Variants in KCNH1 observed in about 807,000 individuals in gnomAD.
The protein encoded by KCNH1 is potassium voltage-gated channel subfamily H member 1.
KCNH1 carries 27 observed loss-of-function variants against 69.2 expected under a neutral mutation model. The observed-to-expected ratio is 0.39, with a 90% CI of 0.29 to 0.54. The LOEUF (loss-of-function observed/expected upper bound fraction) is 0.54. KCNH1 is among the 20% of genes least tolerant of loss of function. KCNH1 has a pLI of 0.68. For synonymous variants in KCNH1, 456 were observed against 487.7 expected (o/e 0.93, Z 0.86); for missense variants, 798 against 1,261.6 (o/e 0.63, Z 5.57).
At chr1:210,739,879 A>G (rs1224002206) in intron 10 of KCNH1, among the ~76,000 whole-genome samples, 1 of 152,188 alleles carries the variant, frequency 6.6e-6, no homozygotes, top group Non-Finnish European at 1.5e-5. Context: ...AACCCAGTTG[A>G]ATTCAGGACT....
Position 210,679,712 on chromosome 1 carries a change from A to AG in KCNH1, c.*3568dup, listed in dbSNP as rs921986153. On this transcript the variant is annotated 3_prime_UTR_variant, in exon 11 of 11. Coordinates refer to ENST00000271751, the MANE Select transcript of KCNH1 (RefSeq NM_172362.3). The stretch of plus-strand genomic sequence containing the variant: ...GCCCAGCCCTCCCCACTTTTGAAAG[A>AG]GGAGGATTCCAGGAAAGGGGCTGAT... The AG allele has an allele frequency of 1.3e-5, 2 of 152,126 alleles. No individual in the cohort carries two copies. Among genetic ancestry groups the AG allele is most frequent in the African/African-American group, 4.8e-5 (2 of 41,420 alleles). The allele number at this position is 152,126 out of a possible 1,614,324, so 9.4% of individuals were successfully genotyped here.
intron 5 of KCNH1, among the ~76,000 whole-genome samples, chr1:211,060,400 CAAA>C (rs60620622): frequency 2.3e-5 from 1 of 44,324 alleles, no homozygotes; most frequent in Non-Finnish European, 3.5e-5. Flanking sequence ...GACTCCGTCT[CAAA>C]AAAAAAAAAA....
At chr1:210,803,353 C>T (rs867654325) in intron 8 of KCNH1, among the ~76,000 whole-genome samples, 2 of 152,120 alleles carry the variant, frequency 1.3e-5, no homozygotes, top group Non-Finnish European at 2.9e-5. Flanking sequence ...CCACCCGCCT[C>T]GGCCTCCCAA....
intron 6 of KCNH1, among the ~76,000 whole-genome samples, chr1:210,957,341 G>T (rs906191998): frequency 5.9e-5 from 9 of 152,112 alleles, no homozygotes; most frequent in African/African-American, 1.4e-4. Context: ...CAATTATGTT[G>T]TCAATTGTAG....
At chr1:210,699,677 C>T (rs1476075210) in intron 10 of KCNH1, among the ~76,000 whole-genome samples, 1 of 152,214 alleles carries the variant, frequency 6.6e-6, no homozygotes, top group Admixed American at 6.5e-5. Flanking sequence ...TGCCCCATCT[C>T]CAATTTTCAA....
intron 10 of KCNH1, among the ~76,000 whole-genome samples, chr1:210,750,853 A>G (rs1374038414): frequency 6.6e-6 from 1 of 152,216 alleles, no homozygotes; most frequent in Non-Finnish European, 1.5e-5. Flanking sequence ...GATGACTCTT[A>G]AAAATATGAG....
chr1:211,090,066 C>T (rs1691025502), intron 4 of KCNH1, among the ~76,000 whole-genome samples: 1 of 152,222 alleles, frequency 6.6e-6, no homozygotes, highest in Admixed American at 6.5e-5. Context: ...ACCCTGGCTT[C>T]ATTAATGTTA....
chr1:211,031,036 C>T lies in KCNH1; in HGVS notation c.559-11780G>A, dbSNP rs181911875. On this transcript the variant is annotated intron_variant, in intron 5 of 10. Coordinates refer to ENST00000271751, the MANE Select transcript of KCNH1 (RefSeq NM_172362.3). ...GGAAATGCAAATTAAAGCTACACTG[C>T]GATATTACTACACACCTATTAAAAT... Among the ~76,000 whole-genome samples, 19 of 152,048 alleles carry T rather than the reference C, an allele frequency of 1.2e-4. No homozygotes were observed. The East Asian group carries it at 2.3e-3, about 19-fold the overall frequency.
At chr1:210,711,589 T>G (rs182809563) in intron 10 of KCNH1, among the ~76,000 whole-genome samples, 1 of 152,304 alleles carries the variant, frequency 6.6e-6, no homozygotes, top group East Asian at 1.9e-4. Flanking sequence ...TTCCTTCAGG[T>G]CCTCACTCAA....
Position 210,738,552 on chromosome 1 carries a change from C to CTTTTT in KCNH1, c.2112+36791_2112+36795dup, listed in dbSNP as rs57669878. Among the ~76,000 whole-genome samples, 41 of 49,152 alleles carry CTTTTT rather than the reference C, an allele frequency of 8.3e-4. 1 individual carries two copies. The highest frequency in any genetic ancestry group is 1.1e-3 in the Non-Finnish European group (28 of 24,366). 32.2% of individuals were successfully genotyped at this position (49,152 alleles called of 152,430 possible). A position where few individuals can be genotyped will look rare whatever the true frequency, so the allele number is the denominator to read the frequency against. Reference sequence around the variant, plus strand: ...CTGTATTCCTGGCTTGGCTTTTTTGCTTTTTTTTTTTTTTTTTTTTTTTTT... The same window carrying CTTTTT: ...CTGTATTCCTGGCTTGGCTTTTTTGCTTTTTTTTTTTTTTTTTTTTTTTTTTTTTT... On this transcript the variant is annotated intron_variant, in intron 10 of 10. Coordinates refer to ENST00000271751, the MANE Select transcript of KCNH1 (RefSeq NM_172362.3).
At chr1:211,117,687 A>G (rs1202125311) in intron 1 of KCNH1, among the ~76,000 whole-genome samples, 1 of 152,196 alleles carries the variant, frequency 6.6e-6, no homozygotes, top group African/African-American at 2.4e-5. Context: ...ATTTGTGAGA[A>G]GAAAGGGGAT....
chr1:211,105,823 A>T (rs921696296), intron 2 of KCNH1, among the ~76,000 whole-genome samples: 3 of 152,226 alleles, frequency 2.0e-5, no homozygotes, highest in Non-Finnish European at 2.9e-5. Flanking sequence ...GGATAACAGC[A>T]CACAAAGAAT....
chr1:210,974,496 T>C (rs1456602176), intron 6 of KCNH1, among the ~76,000 whole-genome samples: 4 of 151,976 alleles, frequency 2.6e-5, no homozygotes, highest in Non-Finnish European at 2.9e-5. Flanking sequence ...TATTATACCT[T>C]TGTCTGGCTT....
chr1:210,795,244 G>C (rs553092397), intron 9 of KCNH1, among the ~76,000 whole-genome samples: 8 of 152,108 alleles, frequency 5.3e-5, no homozygotes, highest in African/African-American at 1.9e-4. Flanking sequence ...TGCAACCTCC[G>C]CTTCTGATCC....
At chr1:210,812,784 G>A (rs1206029314) in intron 7 of KCNH1, among the ~76,000 whole-genome samples, 1 of 152,144 alleles carries the variant, frequency 6.6e-6, no homozygotes. Flanking sequence ...GGCAGAGAAG[G>A]AGCTCACAAG....
At chr1:210,880,110 C>T (rs1686464588) in intron 7 of KCNH1, among the ~76,000 whole-genome samples, 1 of 152,090 alleles carries the variant, frequency 6.6e-6, no homozygotes, top group Admixed American at 6.6e-5. Flanking sequence ...AATAGAGAGG[C>T]AGTCCATGTT....
intron 7 of KCNH1, chr1:210,859,999 C>A: frequency 1.3e-6 from 2 of 1,590,204 alleles, no homozygotes; most frequent in Non-Finnish European, 1.7e-6. Flanking sequence ...GCTGCTTCCA[C>A]GAATAAGGGA....
At chr1:211,007,976 T>C (rs966959670) in intron 6 of KCNH1, among the ~76,000 whole-genome samples, 2 of 152,208 alleles carry the variant, frequency 1.3e-5, no homozygotes, top group Non-Finnish European at 2.9e-5. Context: ...AAAGCTGCTA[T>C]GCAAAACAGT....
chr1:211,019,247 G>A lies in KCNH1; in HGVS notation c.568C>T (p.Leu190=). The A allele has an allele frequency of 2.5e-6, 4 of 1,602,942 alleles. No homozygotes were observed. The highest frequency in any genetic ancestry group is 3.4e-6 in the Non-Finnish European group (4 of 1,176,252). The stretch of plus-strand genomic sequence containing the variant: ...TACTGGGGAAGGATGTCTGAGCCCA[G>A]CTGTAGGACCTGTACAGAAAAACAT... ...KHSRLAEVLQ[L]GSDILPQYKQ... Residue 190 remains leucine, a synonymous_variant, in exon 6 of 11, where the codon CTG becomes TTG. Coordinates refer to ENST00000271751, the MANE Select transcript of KCNH1 (RefSeq NM_172362.3).
Sources: gnomAD v4.1 joint callset for allele counts (sites outside exome capture counted in the v4.1 genomes callset) on GRCh38, gnomAD v4.1.1 for gene constraint, MANE v1.5 for transcripts, NCBI Gene and HGNC (gene_info 2026-07-23, HGNC 2026-07-21) for gene names.